Variants in POGZ observed in about 807,000 individuals in gnomAD.
POGZ encodes pogo transposable element with ZNF domain.
In POGZ, 17 loss-of-function variants were observed where a neutral mutation model predicts 134.6. The ratio of observed to expected loss-of-function variants is 0.13; its 90% CI spans 0.09 to 0.19. POGZ has a LOEUF of 0.19. Among genes scored for constraint, POGZ ranks in the 10% least tolerant of loss-of-function variants. The pLI is 1.00. For synonymous variants in POGZ, 693 were observed against 657.1 expected (o/e 1.05, Z -0.84); for missense variants, 1,306 against 1,769.7 (o/e 0.74, Z 4.70).
intron 1 of POGZ, among the ~76,000 whole-genome samples, chr1:151,443,673 C>G (rs910371299): frequency 4.6e-5 from 7 of 152,048 alleles, no homozygotes; most frequent in African/African-American, 1.7e-4. Flanking sequence ...CAATTCACGC[C>G]ACTGCACTCC....
At chr1:151,425,583 C>CA (rs1317394047) in intron 7 of POGZ, among the ~76,000 whole-genome samples, 1 of 152,136 alleles carries the variant, frequency 6.6e-6, no homozygotes, top group Non-Finnish European at 1.5e-5. Context: ...CTAGGTACCT[C>CA]AAGTAAGTGG....
intron 1 of POGZ, among the ~76,000 whole-genome samples, chr1:151,444,452 TTC>T (rs1660989342): frequency 1.3e-5 from 2 of 152,226 alleles, no homozygotes; most frequent in Non-Finnish European, 2.9e-5. Context: ...CTGTATAACT[TTC>T]TGAGAGCTTA....
At position 151,407,034 on chromosome 1, in the gene POGZ, G is replaced by A. The variant is rs1434307940; in HGVS notation, c.2433-11C>T. The stretch of plus-strand genomic sequence containing the variant: ...GCCAGCTTGATTCCACTAAAAAAGA[G>A]AATTGAGACTATGTAAGACAAACAC... On this transcript the variant is annotated splice_polypyrimidine_tract_variant and intron_variant, in intron 16 of 18. Transcript: ENST00000271715. 2.5e-6 allele frequency: 4 copies of A among 1,597,624 alleles called. No individual in the cohort carries two copies. The South Asian group carries it at 4.4e-5, about 18-fold the overall frequency.
chr1:151,440,091 T>G (rs1660283654), intron 3 of POGZ, among the ~76,000 whole-genome samples: 1 of 152,004 alleles, frequency 6.6e-6, no homozygotes, highest in Non-Finnish European at 1.5e-5. Flanking sequence ...AACATATAGA[T>G]GTATATAAAA....
rs1224431532 is a variant in POGZ, at chr1:151,403,742, CTT to C, written c.*1058_*1059del. 2.0e-6 allele frequency: 2 copies of C among 985,644 alleles called. No homozygotes were observed. The highest frequency in any genetic ancestry group is 1.1e-4 in the East Asian group (1 of 8,826). The allele number at this position is 985,644 out of a possible 1,614,324, so 61.1% of individuals were successfully genotyped here. On this transcript the variant is annotated 3_prime_UTR_variant, in exon 19 of 19. Transcript: ENST00000271715. ...AGCACGCTGGATTTCAACAAGTGGTCTTGTCTTTTTAAAGTTCAACACTTCTT... is the reference window on the plus strand; with the variant it reads ...AGCACGCTGGATTTCAACAAGTGGTCGTCTTTTTAAAGTTCAACACTTCTT...
rs1175091610 is a variant in POGZ at position 151,402,982 on chromosome 1, T to C, written c.*1820A>G. ...ACTACCAAAGAGTAGGATTAGGTTG[T>C]AGATAGACGTGACCAACCATAGTTC... On this transcript the variant is annotated 3_prime_UTR_variant, in exon 19 of 19. Transcript: ENST00000271715. 2 of 153,210 alleles carry C rather than the reference T, an allele frequency of 1.3e-5. No individual in the cohort carries two copies. Among genetic ancestry groups the C allele is most frequent in the African/African-American group, 2.4e-5 (1 of 41,456 alleles). The allele number at this position is 153,210 out of a possible 1,614,324, so 9.5% of individuals were successfully genotyped here.
chr1:151,426,836 A>C (rs956502373), intron 7 of POGZ: 13 of 152,028 alleles, frequency 8.6e-5, no homozygotes, highest in African/African-American at 3.1e-4. Context: ...ATTTTGAGTT[A>C]ATTTTTGTAT....
chr1:151,417,959 G>A (rs547317833), intron 10 of POGZ, among the ~76,000 whole-genome samples: 7 of 152,208 alleles, frequency 4.6e-5, no homozygotes, highest in Admixed American at 1.3e-4. Flanking sequence ...ACAGATGAAT[G>A]AATAAAGAAG....
At chr1:151,425,352 G>A (rs1657593327) in intron 7 of POGZ, 1 of 242,744 alleles carries the variant, frequency 4.1e-6, no homozygotes, top group South Asian at 5.8e-5. Flanking sequence ...CTAGGCCAGG[G>A]GTCAGCAAAC....
chr1:151,456,480 G>A (rs1157711900), intron 1 of POGZ, among the ~76,000 whole-genome samples: 2 of 152,090 alleles, frequency 1.3e-5, no homozygotes, highest in South Asian at 2.1e-4. Context: ...TCTGCTAGTC[G>A]TTCTTTCAAG....
chr1:151,434,980 A>T (rs1557924426), intron 3 of POGZ, among the ~76,000 whole-genome samples: 1 of 151,020 alleles, frequency 6.6e-6, no homozygotes, highest in East Asian at 1.9e-4. Flanking sequence ...AGCTCACTGC[A>T]ACCTCTGCCT....
rs761021882 is a variant in POGZ, at chr1:151,408,803, T to C, written c.1952A>G (p.Lys651Arg). Residue 651 changes from lysine (K) to arginine (R), a missense_variant, in exon 13 of 19, where the codon AAA becomes AGA. This residue lies in a region of POGZ where 149 missense variants were observed against 237.5 expected (regional missense o/e 0.63). Transcript: ENST00000271715. Reference protein sequence around the residue: ...HQKRNVYHCNKCRLQFLFAKD... With the variant: ...HQKRNVYHCNRCRLQFLFAKD... Reference sequence around the variant, plus strand: ...GGCAAAGAGAAACTGCAGCCGGCATTTGTTGCAGTGATAAACATTTCTCTT... The same window carrying C: ...GGCAAAGAGAAACTGCAGCCGGCATCTGTTGCAGTGATAAACATTTCTCTT... The C allele has an allele frequency of 6.2e-7, 1 of 1,613,852 alleles. No homozygotes were observed. Among genetic ancestry groups the C allele is most frequent in the Non-Finnish European group, 8.5e-7 (1 of 1,179,918 alleles).
At chr1:151,431,440 G>T (rs4246526) in intron 3 of POGZ, among the ~76,000 whole-genome samples, 97,898 of 152,154 alleles carry the variant, frequency 0.64, 34,981 homozygotes, top group Non-Finnish European at 0.82. Flanking sequence ...TTTTTAAAAA[G>T]AATATTCATC....
At chr1:151,421,363 CAAGA>C (rs1245108501) in intron 10 of POGZ, among the ~76,000 whole-genome samples, 14 of 131,296 alleles carry the variant, frequency 1.1e-4, no homozygotes, top group African/African-American at 4.2e-4. Context: ...AAAACAGATT[CAAGA>C]AAGAAAAATT....
At chr1:151,445,845 A>G (rs1038642759) in intron 1 of POGZ, among the ~76,000 whole-genome samples, 7 of 152,198 alleles carry the variant, frequency 4.6e-5, no homozygotes, top group Non-Finnish European at 7.3e-5. Flanking sequence ...TACAACAGAG[A>G]TATATCAACC....
rs747382759 is a variant in POGZ, at chr1:151,427,917, A to G, written c.984T>C (p.Pro328=). Residue 328 remains proline (P), a synonymous_variant, in exon 7 of 19, where the codon CCT becomes CCC. Transcript: ENST00000271715. Reference sequence around the variant, plus strand: ...CTGGCCCAGGACTCTGGCCCAGGGAAGGGATGGTGTTAAGGGTATTCACCA... The same window carrying G: ...CTGGCCCAGGACTCTGGCCCAGGGAGGGGATGGTGTTAAGGGTATTCACCA... ...AKLVNTLNTI[P]SLGQSPGPVV... 3 of 1,614,088 alleles carry G rather than the reference A, an allele frequency of 1.9e-6. 1 individual carries two copies. The South Asian group carries it at 3.3e-5, about 18-fold the overall frequency.
In POGZ at chr1:151,423,967, C is replaced by T. The variant is rs146816269; in HGVS notation, c.1505G>A (p.Arg502Lys). 468 of 1,613,580 alleles carry T rather than the reference C, an allele frequency of 2.9e-4. No homozygotes were observed. The highest frequency in any genetic ancestry group is 3.7e-4 in the Non-Finnish European group (440 of 1,179,706). The change falls in exon 9 of 19, where the codon AGG becomes AAG. Residue 502 changes from arginine to lysine, a missense_variant. By Grantham distance (26) the Arg-to-Lys change is conservative (BLOSUM62 2). Around this residue, in one of 10 missense-constraint regions of POGZ, gnomAD observed 541 missense variants for 680.5 expected, o/e 0.80. Transcript: ENST00000271715. ...CACTTACCGAATATTGTTTTTTAGC[C>T]TTTTGGTACAATGTGGGCATCGGAA... ...TSFRCPHCTK[R>K]LKNNIRFMNH... is the part of the protein sequence containing the mutation.
chr1:151,423,999 G>T lies in POGZ; in HGVS notation c.1473C>A (p.Ala491=). 4 of 1,614,168 alleles carry T rather than the reference G, an allele frequency of 2.5e-6. No individual in the cohort carries two copies. The highest frequency in any genetic ancestry group is 3.4e-6 in the Non-Finnish European group (4 of 1,180,028). ...VAQLTNFPKV[A]TSFRCPHCTK... ...TACAATGTGGGCATCGGAAAGATGT[G>T]GCGACCTTAGGGAAATTTGTGAGCT... The change falls in exon 9 of 19, where the codon GCC becomes GCA. Residue 491 remains alanine (A), a synonymous_variant. Transcript: ENST00000271715.
intron 1 of POGZ, among the ~76,000 whole-genome samples, chr1:151,450,364 A>G (rs1304524827): frequency 6.6e-6 from 1 of 151,656 alleles, no homozygotes; most frequent in Non-Finnish European, 1.5e-5. Context: ...TATTCATCTG[A>G]CAACTTTTAG....
Sources: gnomAD v4.1 joint callset for allele counts (sites outside exome capture counted in the v4.1 genomes callset) on GRCh38, gnomAD v4.1.1 for gene constraint, gnomAD v4.1.1 regional missense constraint, MANE v1.5 for transcripts, NCBI Gene and HGNC (gene_info 2026-07-23, HGNC 2026-07-21) for gene names.